RCAN2: variants seen among roughly 807,000 people sequenced by gnomAD.
The protein encoded by RCAN2 is regulator of calcineurin 2.
Under a neutral mutation model 23.6 loss-of-function variants are expected in RCAN2, and 9 were observed. The observed-to-expected ratio is 0.38, with a 90% CI of 0.23 to 0.67. The LOEUF (loss-of-function observed/expected upper bound fraction) is 0.67, where lower values mean the gene tolerates loss of function less well. Among genes scored for constraint, RCAN2 ranks in the 30% least tolerant of loss-of-function variants. RCAN2 has a pLI of 0.51. For synonymous variants in RCAN2, 109 were observed against 115.7 expected, an observed-to-expected ratio of 0.94 and a Z score of 0.37; for missense variants, 273 against 302.3, an observed-to-expected ratio of 0.90 and a Z score of 0.72.
chr6:46,223,936 T>G (rs74547053), intron 4 of RCAN2, among the ~76,000 whole-genome samples: 12,155 of 152,282 alleles, frequency 0.08, 1,685 homozygotes, highest in African/African-American at 0.28. Context: ...TGTTGCTTCA[T>G]TAGATGTTTC....
At chr6:46,383,323 G>A (rs1209961160) in intron 2 of RCAN2, among the ~76,000 whole-genome samples, 1 of 151,836 alleles carries the variant, frequency 6.6e-6, no homozygotes, top group Non-Finnish European at 1.5e-5. Flanking sequence ...AAGTGGAGGA[G>A]GAAGCGTATC....
At chr6:46,428,786 G>A (rs1767106403) in intron 2 of RCAN2, among the ~76,000 whole-genome samples, 1 of 152,140 alleles carries the variant, frequency 6.6e-6, no homozygotes, top group Non-Finnish European at 1.5e-5. Flanking sequence ...CAATTTAGCT[G>A]AAAGCTCCTT....
chr6:46,226,013 G>T (rs949384853), intron 4 of RCAN2, among the ~76,000 whole-genome samples: 9 of 152,182 alleles, frequency 5.9e-5, no homozygotes, highest in African/African-American at 1.7e-4. Context: ...TGGCTAGCCA[G>T]TTTTCTCAGC....
chr6:46,326,600 G>A (rs1763803864), intron 2 of RCAN2, among the ~76,000 whole-genome samples: 1 of 152,214 alleles, frequency 6.6e-6, no homozygotes, highest in African/African-American at 2.4e-5. Flanking sequence ...TTTCACAGGA[G>A]TGACCAAAGG....
At chr6:46,260,584 CTTG>C (rs1767078226) in intron 2 of RCAN2, among the ~76,000 whole-genome samples, 1 of 152,136 alleles carries the variant, frequency 6.6e-6, no homozygotes, top group African/African-American at 2.4e-5. Context: ...GCCTAGGGCT[CTTG>C]TTGTTCTGAC....
intron 2 of RCAN2, among the ~76,000 whole-genome samples, chr6:46,333,748 T>G (rs2150368488): frequency 6.6e-6 from 1 of 152,366 alleles, no homozygotes; most frequent in African/African-American, 2.4e-5. Flanking sequence ...TTTCTCTTTC[T>G]GTAGGCGCAC....
At chr6:46,447,390 T>C (rs1470967057) in intron 2 of RCAN2, among the ~76,000 whole-genome samples, 1 of 151,792 alleles carries the variant, frequency 6.6e-6, no homozygotes, top group East Asian at 1.9e-4. Flanking sequence ...TGTAACACAA[T>C]AATGGTAGAG....
intron 2 of RCAN2, among the ~76,000 whole-genome samples, chr6:46,345,049 G>T (rs1764441453): frequency 6.6e-6 from 1 of 151,888 alleles, no homozygotes; most frequent in African/African-American, 2.4e-5. Flanking sequence ...TAAAGACACA[G>T]ACTGGTTGAA....
At chr6:46,244,307 T>C (rs1766434153) in intron 4 of RCAN2, among the ~76,000 whole-genome samples, 1 of 152,094 alleles carries the variant, frequency 6.6e-6, no homozygotes, top group South Asian at 2.1e-4. Context: ...ACCATTTCCT[T>C]CCTCCCTCTT....
intron 2 of RCAN2, among the ~76,000 whole-genome samples, chr6:46,358,900 T>C (rs750150177): frequency 2.0e-5 from 3 of 152,146 alleles, no homozygotes; most frequent in Non-Finnish European, 4.4e-5. Context: ...GTGATTCCAA[T>C]ATGCAGCCAG....
chr6:46,292,463 C>T (rs1413324249), intron 2 of RCAN2, among the ~76,000 whole-genome samples: 1 of 127,898 alleles, frequency 7.8e-6, no homozygotes, highest in Non-Finnish European at 1.6e-5. Context: ...GGGGGGGTTG[C>T]CCTAAATTGC....
chr6:46,468,323 G>A (rs940599490), intron 1 of RCAN2, among the ~76,000 whole-genome samples: 1 of 152,132 alleles, frequency 6.6e-6, no homozygotes, highest in Non-Finnish European at 1.5e-5. Context: ...ACCCAAAGGG[G>A]ACCTGAAGTA....
At chr6:46,227,683 T>C (rs1765721713) in intron 4 of RCAN2, among the ~76,000 whole-genome samples, 1 of 151,936 alleles carries the variant, frequency 6.6e-6, no homozygotes, top group African/African-American at 2.4e-5. Context: ...TTTTCTTCTT[T>C]ATTAGTCTTG....
chr6:46,397,435 T>C (rs1304658508), intron 2 of RCAN2, among the ~76,000 whole-genome samples: 6 of 151,708 alleles, frequency 4.0e-5, no homozygotes, highest in Admixed American at 3.3e-4. Context: ...TGGTGGAATC[T>C]GAGTAAGGTC....
chr6:46,473,953 T>C (rs1768638939), intron 1 of RCAN2, among the ~76,000 whole-genome samples: 1 of 152,186 alleles, frequency 6.6e-6, no homozygotes, highest in Non-Finnish European at 1.5e-5. Context: ...GTGCAAACTA[T>C]CCTGATTCCT....
intron 2 of RCAN2, among the ~76,000 whole-genome samples, chr6:46,339,723 T>C (rs1043492590): frequency 1.3e-5 from 2 of 152,124 alleles, no homozygotes; most frequent in Non-Finnish European, 2.9e-5. Flanking sequence ...CTGCAAATAA[T>C]ATGTGGCCGA....
At chr6:46,437,231 A>G (rs1767399978) in intron 2 of RCAN2, among the ~76,000 whole-genome samples, 1 of 152,184 alleles carries the variant, frequency 6.6e-6, no homozygotes, top group South Asian at 2.1e-4. Flanking sequence ...GGCTTGCTCA[A>G]TCCTTTTTAA....
At chr6:46,377,380 A>G (rs139617188) in intron 2 of RCAN2, among the ~76,000 whole-genome samples, 2,600 of 152,310 alleles carry the variant, frequency 0.017, 53 homozygotes, top group South Asian at 0.12. Flanking sequence ...CAGCAGGGAA[A>G]TTTCCATGGC....
intron 2 of RCAN2, among the ~76,000 whole-genome samples, chr6:46,362,710 C>T (rs1421438996): frequency 2.6e-5 from 4 of 152,038 alleles, no homozygotes; most frequent in African/African-American, 4.8e-5. Flanking sequence ...TGGACCCAGC[C>T]GATATTTTCT....
Sources: gnomAD v4.1 joint callset for allele counts (sites outside exome capture counted in the v4.1 genomes callset) on GRCh38, gnomAD v4.1.1 for gene constraint, MANE v1.5 for transcripts, NCBI Gene and HGNC (gene_info 2026-07-23, HGNC 2026-07-21) for gene names.